TTC3: variants seen among roughly 807,000 people sequenced by gnomAD.
TTC3 encodes E3 ubiquitin-protein ligase TTC3.
TTC3 carries 180 observed loss-of-function variants against 249.6 expected under a neutral mutation model. The ratio of observed to expected loss-of-function variants is 0.72; its 90% CI spans 0.64 to 0.82. TTC3 has a LOEUF of 0.82. Among genes scored for constraint, TTC3 ranks in the 40% least tolerant of loss-of-function variants. TTC3 has a pLI of 0.00. For synonymous variants in TTC3, 717 were observed against 805.0 expected, an observed-to-expected ratio of 0.89 and a Z score of 1.85; for missense variants, 2,061 against 2,398.4, an observed-to-expected ratio of 0.86 and a Z score of 2.94.
chr21:37,134,554 T>C (rs1442370830), intron 17 of TTC3, among the ~76,000 whole-genome samples: 2 of 152,116 alleles, frequency 1.3e-5, no homozygotes, highest in African/African-American at 4.8e-5. Flanking sequence ...TTGTTAGGAA[T>C]GGTGAGGAAT....
chr21:37,080,354 T>A (rs1365016273), intron 1 of TTC3, among the ~76,000 whole-genome samples: 1 of 137,650 alleles, frequency 7.3e-6, no homozygotes, highest in Admixed American at 7.4e-5. Context: ...CAGAGAATAT[T>A]TTATCTTTTT....
At chr21:37,182,852 A>C (rs1387521974) in exon 36 of TTC3, 1 of 1,595,996 alleles carries the variant, frequency 6.3e-7, no homozygotes, top group Non-Finnish European at 8.5e-7. Flanking sequence ...AAAAAAAGAA[A>C]TCCAAGAAAG....
At chr21:37,107,024 C>G (rs1433418122) in intron 10 of TTC3, among the ~76,000 whole-genome samples, 2 of 150,186 alleles carry the variant, frequency 1.3e-5, no homozygotes, top group Non-Finnish European at 3.0e-5. Flanking sequence ...GAATCCATTT[C>G]TAGTTTCTCT....
rs568650281 is a variant in TTC3 at position 37,190,685 on chromosome 21, G to T, written c.5025-649G>T. 9.9e-5 allele frequency among the ~76,000 whole-genome samples: 15 copies of T among 152,150 alleles called. No homozygotes were observed. In the South Asian group the frequency reaches 3.1e-3, roughly 32 times the overall value. ...GAGTATACAAAGATTCTTTCTTCAG[G>T]ATGCCATGCTAACTCTGCCTTCTCC... On this transcript the variant is annotated intron_variant, in intron 39 of 45. Transcript: ENST00000355666.
At chr21:37,189,256 G>GT (rs527450839) in intron 39 of TTC3, among the ~76,000 whole-genome samples, 5 of 151,942 alleles carry the variant, frequency 3.3e-5, no homozygotes, top group Non-Finnish European at 5.9e-5. Context: ...GTTTTTGTTT[G>GT]TTTTTTTGCG....
At chr21:37,124,260 C>T (rs924916053) in intron 13 of TTC3, among the ~76,000 whole-genome samples, 1 of 151,632 alleles carries the variant, frequency 6.6e-6, no homozygotes, top group Admixed American at 6.6e-5. Flanking sequence ...GGATTACAGG[C>T]ACATGCCACC....
intron 10 of TTC3, among the ~76,000 whole-genome samples, chr21:37,102,423 C>T (rs1277008789): frequency 1.3e-5 from 2 of 152,144 alleles, no homozygotes; most frequent in East Asian, 1.9e-4. Context: ...ATCTCCTTTC[C>T]CTTCCAAGTC....
chr21:37,110,692 G>A (rs2075575316), intron 11 of TTC3, among the ~76,000 whole-genome samples: 1 of 152,120 alleles, frequency 6.6e-6, no homozygotes, highest in African/African-American at 2.4e-5. Flanking sequence ...TCAAATTCAG[G>A]AAATACAGAG....
At chr21:37,191,206 A>T (rs984917962) in intron 39 of TTC3, 128 bp from the exon 40 acceptor site, 6 of 572,626 alleles carry the variant, frequency 1.0e-5, no homozygotes, top group Non-Finnish European at 1.8e-5. Flanking sequence ...TTCCTTAAAA[A>T]TAGTTGGATT....
chr21:37,096,792 T>C (rs1001208252), intron 10 of TTC3, 149 bp downstream of exon 10: 2 of 572,406 alleles, frequency 3.5e-6, no homozygotes, highest in African/African-American at 3.8e-5. Flanking sequence ...GCTTAGGCTT[T>C]ATATATAATA....
chr21:37,080,567 A>G (rs1026057935), intron 1 of TTC3, among the ~76,000 whole-genome samples: 2 of 152,166 alleles, frequency 1.3e-5, no homozygotes, highest in Admixed American at 6.5e-5. Context: ...GTGTGTTGCA[A>G]TATTCCACCA....
intron 34 of TTC3, among the ~76,000 whole-genome samples, chr21:37,169,128 C>CAT (rs1404984480): frequency 6.6e-6 from 1 of 152,136 alleles, no homozygotes; most frequent in African/African-American, 2.4e-5. Flanking sequence ...AACCCTGATA[C>CAT]ATGGTAGGAG....
intron 34 of TTC3, 86 bp from the exon 35 acceptor site, chr21:37,172,509 G>C (rs1408495115): frequency 7.1e-7 from 1 of 1,406,082 alleles, no homozygotes. Flanking sequence ...ACTCTCCTTT[G>C]TTTATTTTAA....
exon 39 of TTC3, chr21:37,188,504 C>T (rs747148320): frequency 5.6e-6 from 9 of 1,613,436 alleles, no homozygotes; most frequent in Non-Finnish European, 7.6e-6. Context: ...GGTATCCGTA[C>T]TTGAAAACTG....
intron 42 of TTC3, 85 bp from the exon 43 acceptor site, chr21:37,197,485 G>A: frequency 6.6e-7 from 1 of 1,518,470 alleles, no homozygotes; most frequent in Non-Finnish European, 9.1e-7. Flanking sequence ...TCTTTGGGTT[G>A]GGCTGTTGGA....
intron 10 of TTC3, among the ~76,000 whole-genome samples, chr21:37,104,588 C>CAAAAAAAAAAAAAAAAAAAAAAA (rs141618903): frequency 4.2e-4 from 44 of 104,302 alleles, no homozygotes; most frequent in African/African-American, 6.7e-4. Flanking sequence ...AACTCCGTCT[C>CAAAAAAAAAAAAAAAAAAAAAAA]AAAAAAAAAA....
chr21:37,184,285 A>G (rs1025662223), intron 36 of TTC3, among the ~76,000 whole-genome samples: 8 of 152,208 alleles, frequency 5.3e-5, no homozygotes, highest in African/African-American at 1.7e-4. Flanking sequence ...CAAACTAGAC[A>G]AGGTAACTAG....
intron 36 of TTC3, 150 bp from the exon 37 acceptor site, chr21:37,185,556 T>C (rs1343744225): frequency 4.6e-6 from 2 of 431,742 alleles, no homozygotes; most frequent in South Asian, 5.3e-5. Context: ...TTTTCCTATT[T>C]AGAAGATACT....
At chr21:37,116,986 C>A (rs2076194814) in intron 11 of TTC3, among the ~76,000 whole-genome samples, 1 of 152,144 alleles carries the variant, frequency 6.6e-6, no homozygotes, top group Non-Finnish European at 1.5e-5. Context: ...ACTTCCATTA[C>A]TGCTCTGCGG....
Sources: allele counts gnomAD v4.1 joint callset (sites outside exome capture counted in the v4.1 genomes callset), GRCh38; gene constraint gnomAD v4.1.1; transcripts MANE v1.5; gene names NCBI Gene and HGNC (gene_info 2026-07-23, HGNC 2026-07-21).